The following UNC5D variants were observed in gnomAD, a reference collection of about 807,000 sequenced individuals.
The protein encoded by UNC5D is netrin receptor UNC5D.
A neutral mutation model predicts 105.4 loss-of-function variants in UNC5D; 39 were observed. The observed-to-expected ratio is 0.37, with a 90% CI of 0.29 to 0.48. The LOEUF is 0.48. Ranked by LOEUF, UNC5D falls within the 20% of genes least tolerant of loss-of-function variation. The pLI is 0.98. For missense variants in UNC5D, 991 were observed against 1,202.4 expected (o/e 0.82, Z 2.60); for synonymous variants, 452 against 450.4 (o/e 1.00, Z -0.04).
At chr8:35,496,646 A>C (rs1232891862) in intron 1 of UNC5D, among the ~76,000 whole-genome samples, 1 of 152,202 alleles carries the variant, frequency 6.6e-6, no homozygotes, top group East Asian at 1.9e-4. Context: ...TACCACTTAC[A>C]TGCCATAAGA....
chr8:35,697,865 A>G (rs1826900443), intron 7 of UNC5D, among the ~76,000 whole-genome samples: 7 of 152,170 alleles, frequency 4.6e-5, no homozygotes, highest in Admixed American at 4.6e-4. Flanking sequence ...TCCTCAATTT[A>G]CAATTTCCCT....
At chr8:35,317,742 A>T (rs1174981961) in intron 1 of UNC5D, among the ~76,000 whole-genome samples, 1 of 152,120 alleles carries the variant, frequency 6.6e-6, no homozygotes, top group Non-Finnish European at 1.5e-5. Flanking sequence ...CGTGACGTAA[A>T]TTATATGTGT....
intron 3 of UNC5D, among the ~76,000 whole-genome samples, chr8:35,592,771 C>T (rs1455839154): frequency 6.6e-6 from 1 of 152,042 alleles, no homozygotes; most frequent in East Asian, 1.9e-4. Flanking sequence ...GGCCTGTTAC[C>T]ACTGTTGGAT....
intron 1 of UNC5D, among the ~76,000 whole-genome samples, chr8:35,273,013 A>G (rs1805524039): frequency 6.6e-6 from 1 of 152,182 alleles, no homozygotes; most frequent in Non-Finnish European, 1.5e-5. Flanking sequence ...TGGTCTAAGC[A>G]ATTGCTCTAA....
rs567032317 is a variant in UNC5D, at chr8:35,512,541, A to G, written c.104-36751A>G. 4.0e-3 allele frequency among the ~76,000 whole-genome samples: 225 copies of G among 56,346 alleles called. 10 individuals are homozygous for G. The highest frequency in any genetic ancestry group is 0.021 in the African/African-American group (145 of 6,902). 37.0% of individuals were successfully genotyped at this position (56,346 alleles called of 152,430 possible). A position where few individuals can be genotyped will look rare whatever the true frequency, so the allele number is the denominator to read the frequency against. On this transcript the variant is annotated intron_variant, in intron 1 of 16. Coordinates refer to ENST00000404895, the MANE Select transcript of UNC5D (RefSeq NM_080872.4). ...AGATTATATATTCAGATATGTATGT[A>G]TATATATATATATATATATATATAT...
At chr8:35,333,726 A>G (rs1290751519) in intron 1 of UNC5D, among the ~76,000 whole-genome samples, 1 of 152,078 alleles carries the variant, frequency 6.6e-6, no homozygotes, top group Non-Finnish European at 1.5e-5. Context: ...GTGATCCACT[A>G]GCCTCTGCCT....
intron 13 of UNC5D, among the ~76,000 whole-genome samples, chr8:35,758,176 T>C (rs1283229993): frequency 1.3e-5 from 2 of 152,174 alleles, no homozygotes; most frequent in African/African-American, 4.8e-5. Flanking sequence ...CTATTAACAG[T>C]TTATGTGTAC....
chr8:35,313,165 G>T (rs1809026261), intron 1 of UNC5D, among the ~76,000 whole-genome samples: 1 of 152,166 alleles, frequency 6.6e-6, no homozygotes, highest in Non-Finnish European at 1.5e-5. Context: ...GGTGAACTGT[G>T]CTTTTCTTAA....
At chr8:35,487,158 T>C (rs1165448137) in intron 1 of UNC5D, among the ~76,000 whole-genome samples, 3 of 150,094 alleles carry the variant, frequency 2.0e-5, no homozygotes, top group Non-Finnish European at 4.5e-5. Flanking sequence ...TTGTAATGAG[T>C]CACAGCATTC....
At chr8:35,418,128 A>AT (rs571296901) in intron 1 of UNC5D, among the ~76,000 whole-genome samples, 26 of 151,426 alleles carry the variant, frequency 1.7e-4, no homozygotes, top group African/African-American at 5.6e-4. Context: ...GATTTTAAAT[A>AT]TTTTTTTTTA....
chr8:35,678,824 C>A (rs776826167), intron 4 of UNC5D, among the ~76,000 whole-genome samples: 1 of 152,092 alleles, frequency 6.6e-6, no homozygotes, highest in Non-Finnish European at 1.5e-5. Flanking sequence ...TCTTTTCTCT[C>A]TCTTTTTTCT....
At chr8:35,393,288 C>T (rs1219868865) in intron 1 of UNC5D, among the ~76,000 whole-genome samples, 4 of 151,328 alleles carry the variant, frequency 2.6e-5, no homozygotes, top group Admixed American at 2.0e-4. Flanking sequence ...CGCCCGCCAC[C>T]TCGCCCGGCT....
At chr8:35,419,738 A>G (rs2128964852) in intron 1 of UNC5D, among the ~76,000 whole-genome samples, 1 of 152,272 alleles carries the variant, frequency 6.6e-6, no homozygotes, top group Middle Eastern at 3.4e-3. Flanking sequence ...TTGCTTGACA[A>G]GTGAGAAGGG....
chr8:35,241,933 A>G (rs1276911612), intron 1 of UNC5D, among the ~76,000 whole-genome samples: 1 of 152,208 alleles, frequency 6.6e-6, no homozygotes, highest in East Asian at 1.9e-4. Flanking sequence ...GTCTTATTCT[A>G]TTAAGTGGTA....
chr8:35,612,020 A>G (rs1391335387), intron 4 of UNC5D, among the ~76,000 whole-genome samples: 1 of 152,226 alleles, frequency 6.6e-6, no homozygotes, highest in Non-Finnish European at 1.5e-5. Flanking sequence ...GCCTTGGACA[A>G]TAAAAGTTGC....
intron 1 of UNC5D, chr8:35,544,400 G>A (rs1039504339): frequency 3.7e-6 from 6 of 1,609,250 alleles, no homozygotes; most frequent in Non-Finnish European, 5.1e-6. Flanking sequence ...CGTTAAATAA[G>A]TAGGGATTGT....
intron 1 of UNC5D, among the ~76,000 whole-genome samples, chr8:35,535,209 G>A (rs189796461): frequency 3.9e-5 from 6 of 152,098 alleles, no homozygotes; most frequent in African/African-American, 7.2e-5. Context: ...CAATATGCAC[G>A]TGATTGTCTG....
chr8:35,309,844 T>A (rs777301778), intron 1 of UNC5D, among the ~76,000 whole-genome samples: 2 of 152,214 alleles, frequency 1.3e-5, no homozygotes, highest in African/African-American at 2.4e-5. Flanking sequence ...AATTGCATGT[T>A]AAGCAAGAAT....
At chr8:35,401,953 T>G (rs1450391874) in intron 1 of UNC5D, among the ~76,000 whole-genome samples, 1 of 152,214 alleles carries the variant, frequency 6.6e-6, no homozygotes, top group Admixed American at 6.5e-5. Context: ...TTCATCTTAA[T>G]TTTGTGTTGT....
Sources: allele counts gnomAD v4.1 joint callset (sites outside exome capture counted in the v4.1 genomes callset), GRCh38; gene constraint gnomAD v4.1.1; transcripts MANE v1.5; gene names NCBI Gene and HGNC (gene_info 2026-07-23, HGNC 2026-07-21).